Variants in DCHS2 observed in about 807,000 individuals in gnomAD.
DCHS2 encodes the protein protocadherin-23.
A neutral mutation model predicts 182.4 loss-of-function variants in DCHS2; 142 were observed. That is an observed-to-expected ratio of 0.78 (90% CI 0.68 to 0.89). The LOEUF (loss-of-function observed/expected upper bound fraction) is 0.89. DCHS2 is among the 40% of genes least tolerant of loss of function. DCHS2 has a pLI of 0.00. For missense variants in DCHS2, 4,319 were observed against 4,198.6 expected, an observed-to-expected ratio of 1.03 and a Z score of -0.79; for synonymous variants, 1,740 against 1,663.3, an observed-to-expected ratio of 1.05 and a Z score of -1.12.
At chr4:154,400,025 C>T (rs891126014) in intron 1 of DCHS2, among the ~76,000 whole-genome samples, 1 of 152,086 alleles carries the variant, frequency 6.6e-6, no homozygotes, top group Non-Finnish European at 1.5e-5. Flanking sequence ...CTTTCACGGC[C>T]GGGCGCGGTG....
chr4:154,323,419 T>G, intron 7 of DCHS2: 2 of 1,509,770 alleles, frequency 1.3e-6, no homozygotes, highest in South Asian at 2.5e-5. Flanking sequence ...AGCCTGGAGT[T>G]CAGGGTCGCA....
intron 19 of DCHS2, among the ~76,000 whole-genome samples, chr4:154,237,867 A>G (rs1038013461): frequency 6.6e-6 from 1 of 152,212 alleles, no homozygotes; most frequent in Non-Finnish European, 1.5e-5. Context: ...ATCGGCCATC[A>G]TTTAATGTTT....
chr4:154,356,671 G>A (rs1288166958), intron 3 of DCHS2, among the ~76,000 whole-genome samples: 2 of 152,134 alleles, frequency 1.3e-5, no homozygotes, highest in African/African-American at 4.8e-5. Context: ...GCCTATAGTA[G>A]TCAATGCGGT....
At position 154,334,851 on chromosome 4, in the gene DCHS2, A is replaced by G; in HGVS notation, c.2713+17T>C. The stretch of plus-strand genomic sequence containing the variant: ...CCAATAATGGAATTCCATGCAGCAT[A>G]AGAAATAAGTACTTACTCAAGGGCT... On this transcript the variant is annotated intron_variant, in intron 4 of 19. Transcript: ENST00000357232. 3 of 1,559,648 alleles carry G rather than the reference A, an allele frequency of 1.9e-6. No individual in the cohort carries two copies. The highest frequency in any genetic ancestry group is 2.7e-6 in the Non-Finnish European group (3 of 1,130,884).
At chr4:154,396,305 G>A (rs964684921) in intron 1 of DCHS2, among the ~76,000 whole-genome samples, 6 of 151,998 alleles carry the variant, frequency 3.9e-5, no homozygotes, top group Middle Eastern at 3.2e-3. Context: ...AAGGGTGGGG[G>A]AAGAAGGAAG....
At chr4:154,460,074 A>G (rs1159144158) in intron 1 of DCHS2, among the ~76,000 whole-genome samples, 2 of 152,182 alleles carry the variant, frequency 1.3e-5, no homozygotes, top group Non-Finnish European at 2.9e-5. Flanking sequence ...CTACTGTTAC[A>G]AATGAATTAA....
intron 10 of DCHS2, among the ~76,000 whole-genome samples, chr4:154,313,706 T>C (rs1329761391): frequency 6.6e-6 from 1 of 152,214 alleles, no homozygotes; most frequent in Non-Finnish European, 1.5e-5. Context: ...TGTGTTTACA[T>C]AACCACCTAC....
intron 1 of DCHS2, among the ~76,000 whole-genome samples, chr4:154,390,272 C>G (rs1270810482): frequency 1.7e-5 from 2 of 114,448 alleles, no homozygotes; most frequent in East Asian, 6.0e-4. Flanking sequence ...CCCCTCCCCC[C>G]ACCCCACAAC....
chr4:154,437,503 C>A (rs544668252), intron 1 of DCHS2, among the ~76,000 whole-genome samples: 1 of 152,216 alleles, frequency 6.6e-6, no homozygotes, highest in South Asian at 2.1e-4. Context: ...AAACAAAGAC[C>A]TTTGCTTATT....
intron 1 of DCHS2, among the ~76,000 whole-genome samples, chr4:154,465,705 T>G (rs1735213755): frequency 6.6e-6 from 1 of 151,904 alleles, no homozygotes; most frequent in Non-Finnish European, 1.5e-5. Flanking sequence ...ACTTCTACCA[T>G]TTTCTATTAG....
intron 16 of DCHS2, among the ~76,000 whole-genome samples, chr4:154,253,128 G>C (rs893456107): frequency 6.6e-6 from 1 of 151,658 alleles, no homozygotes; most frequent in Non-Finnish European, 1.5e-5. Context: ...GAGAGCCCAG[G>C]GAGGAAGGAG....
chr4:154,242,864 A>G, intron 16 of DCHS2, 92 bp from the exon 17 acceptor site: 2 of 1,439,240 alleles, frequency 1.4e-6, no homozygotes, highest in Non-Finnish European at 1.8e-6. Context: ...AAATTTTAAA[A>G]TGAGCTGACT....
chr4:154,475,043 A>T (rs1459036165), intron 1 of DCHS2, among the ~76,000 whole-genome samples: 2 of 152,154 alleles, frequency 1.3e-5, no homozygotes, highest in African/African-American at 4.8e-5. Flanking sequence ...TGATAATCTA[A>T]TTATAATAAA....
At chr4:154,463,136 T>C (rs748618439) in intron 1 of DCHS2, among the ~76,000 whole-genome samples, 1 of 139,442 alleles carries the variant, frequency 7.2e-6, no homozygotes, top group Non-Finnish European at 1.6e-5. Context: ...AGTATATACA[T>C]ACTTATGTGT....
chr4:154,369,925 C>T (rs539738055), intron 2 of DCHS2, among the ~76,000 whole-genome samples: 2 of 152,296 alleles, frequency 1.3e-5, no homozygotes, highest in East Asian at 1.9e-4. Context: ...AGGTAGGGAA[C>T]ATTTTCTACC....
At chr4:154,349,364 A>G (rs1008755001) in intron 3 of DCHS2, among the ~76,000 whole-genome samples, 1 of 152,164 alleles carries the variant, frequency 6.6e-6, no homozygotes, top group African/African-American at 2.4e-5. Flanking sequence ...GGTCAAATAG[A>G]CAACTTCATT....
rs1438680679 is a variant in DCHS2, at chr4:154,321,024, CG to C, written c.4374del (p.Gly1459GlufsTer21). On this transcript the variant is annotated frameshift_variant, in exon 9 of 20. Transcript: ENST00000357232. LOFTEE classifies it high-confidence loss of function. ...AGTTCCTTAGAAAGAAACAAGTCTC[CG>C]GTTGAGCTGTCTATTTCAAAGTGTC... ...KDGHFEIDSS[T>X]GDLFLSKELD... 1 of 1,613,688 alleles carries C rather than the reference CG, an allele frequency of 6.2e-7. No homozygotes were observed. The highest frequency in any genetic ancestry group is 1.3e-5 in the African/African-American group (1 of 74,976).
chr4:154,276,272 A>G (rs1046199865), intron 13 of DCHS2, among the ~76,000 whole-genome samples: 1 of 152,198 alleles, frequency 6.6e-6, no homozygotes, highest in African/African-American at 2.4e-5. Context: ...TCAAGCTTTT[A>G]TAAATTTTAT....
chr4:154,489,627 G>T lies in DCHS2; in HGVS notation c.1729C>A (p.Arg577Ser). 3.9e-6 allele frequency: 6 copies of T among 1,551,542 alleles called. No individual in the cohort carries two copies. The highest frequency in any genetic ancestry group is 1.4e-5 in the African/African-American group (1 of 73,168). The stretch of plus-strand genomic sequence containing the variant: ...GCCGAGAGTTGGACTACAGTGTAGC[G>T]CAGCCAGGCGTGATCACTGCCTGCC... Reference protein sequence around the residue: ...DEAGSDHAWLRYTVVQLSAPC... With the variant: ...DEAGSDHAWLSYTVVQLSAPC... Residue 577 changes from arginine (R) to serine (S), a missense_variant, in exon 1 of 20, where the codon CGC becomes AGC. Physicochemically the swap from Arg to Ser is moderately radical, Grantham distance 110. Coordinates refer to ENST00000357232, the MANE Select transcript of DCHS2 (RefSeq NM_001358235.2).
Sources: gnomAD v4.1 joint callset for allele counts (sites outside exome capture counted in the v4.1 genomes callset) on GRCh38, gnomAD v4.1.1 for gene constraint, MANE v1.5 for transcripts, NCBI Gene and HGNC (gene_info 2026-07-23, HGNC 2026-07-21) for gene names.